MARCHF1: variants seen among roughly 807,000 people sequenced by gnomAD.
MARCHF1 encodes membrane associated ring-CH-type finger 1.
MARCHF1 carries 40 observed loss-of-function variants against 54.2 expected under a neutral mutation model. That is an observed-to-expected ratio of 0.74 (90% CI 0.57 to 0.96). The LOEUF (loss-of-function observed/expected upper bound fraction) is 0.96. Among genes scored for constraint, MARCHF1 ranks in the 40% least tolerant of loss-of-function variants. The probability of loss-of-function intolerance (pLI) is 0.00; values close to 1 mark genes in which losing one functional copy is unlikely to be tolerated. For missense variants in MARCHF1, 586 were observed against 656.5 expected, an observed-to-expected ratio of 0.89 and a Z score of 1.17; for synonymous variants, 236 against 236.3, an observed-to-expected ratio of 1.00 and a Z score of 0.01.
At chr4:164,080,327 G>C (rs1755069286) in intron 2 of MARCHF1, among the ~76,000 whole-genome samples, 1 of 152,158 alleles carries the variant, frequency 6.6e-6, no homozygotes, top group South Asian at 2.1e-4. Context: ...GCAAAATAAT[G>C]AACAAATAAA....
At position 164,027,972 on chromosome 4, in the gene MARCHF1, G is replaced by A. The variant is rs59389314; in HGVS notation, c.-247-39263C>T. Among the ~76,000 whole-genome samples, 1,496 of 152,132 alleles carry A rather than the reference G, an allele frequency of 9.8e-3. 18 individuals are homozygous for A. Among genetic ancestry groups the A allele is most frequent in the African/African-American group, 0.033 (1,370 of 41,514 alleles). ...AAAGACATACAAGTGGCCAACAAAC[G>A]TGTGAGAAAATGCTCATTATTAGTC... is the stretch of plus-strand genomic sequence containing the variant. On this transcript the variant is annotated intron_variant, in intron 2 of 9. Transcript: ENST00000514618.
rs1157690675 is a variant in MARCHF1 at position 163,632,825 on chromosome 4, C to T, written c.163-19432G>A. Among the ~76,000 whole-genome samples, 5 of 152,242 alleles carry T rather than the reference C, an allele frequency of 3.3e-5. No individual in the cohort carries two copies. In the East Asian group the frequency reaches 5.8e-4, roughly 18 times the overall value. ...AGACAAACAAAAAGACAGCAGTAAC[C>T]TCTGCAGACTTAAATGTCCCTGTCT... On this transcript the variant is annotated intron_variant, in intron 5 of 9. Coordinates refer to ENST00000514618, the MANE Select transcript of MARCHF1 (RefSeq NM_001394959.1).
At chr4:163,745,061 T>C (rs539390005) in intron 4 of MARCHF1, among the ~76,000 whole-genome samples, 6 of 151,888 alleles carry the variant, frequency 4.0e-5, no homozygotes, top group Middle Eastern at 3.2e-3. Flanking sequence ...GTGAAACTTT[T>C]CATAAGAGAG....
rs1738190902 is a variant in MARCHF1, at chr4:163,527,966, C to T, written c.*782G>A. The T allele has an allele frequency of 6.6e-6, 1 of 152,356 alleles. No individual in the cohort carries two copies. Among genetic ancestry groups the T allele is most frequent in the South Asian group, 2.1e-4 (1 of 4,820 alleles). The allele number at this position is 152,356 out of a possible 1,614,324, so 9.4% of individuals were successfully genotyped here. A position where few individuals can be genotyped will look rare whatever the true frequency, so the allele number is the denominator to read the frequency against. On this transcript the variant is annotated 3_prime_UTR_variant, in exon 10 of 10. Coordinates refer to ENST00000514618, the MANE Select transcript of MARCHF1 (RefSeq NM_001394959.1). ...GAAGTTAAATATTTGCATCTGTGGC[C>T]TGCATTTGTGGCTGTTGTGTTTCTA...
At chr4:163,675,712 C>T (rs1223839393) in intron 5 of MARCHF1, among the ~76,000 whole-genome samples, 6 of 152,126 alleles carry the variant, frequency 3.9e-5, no homozygotes, top group Non-Finnish European at 8.8e-5. Flanking sequence ...TCATTCCTCT[C>T]TCTCCCTTTG....
intron 1 of MARCHF1, among the ~76,000 whole-genome samples, chr4:164,364,453 A>G (rs534978069): frequency 3.9e-5 from 6 of 152,212 alleles, no homozygotes; most frequent in African/African-American, 1.4e-4. Context: ...ACCACTATCT[A>G]TCACAAAGGA....
At chr4:163,974,153 T>G (rs557890361) in intron 3 of MARCHF1, among the ~76,000 whole-genome samples, 1 of 152,326 alleles carries the variant, frequency 6.6e-6, no homozygotes, top group South Asian at 2.1e-4. Context: ...ATCACTCCCT[T>G]TAAAAGGTAG....
chr4:163,871,621 C>T (rs888419558), intron 3 of MARCHF1, among the ~76,000 whole-genome samples: 5 of 152,018 alleles, frequency 3.3e-5, no homozygotes, highest in Admixed American at 1.3e-4. Flanking sequence ...ATAAATACAT[C>T]GCATTTTATT....
intron 1 of MARCHF1, among the ~76,000 whole-genome samples, chr4:164,274,659 CTTTTTTTTTTTTTTTTTTTTTTTTT>C (rs70952617): frequency 4.5e-5 from 2 of 44,644 alleles, no homozygotes; most frequent in Non-Finnish European, 9.7e-5. Context: ...TCAGGGTACA[CTTTTTTTTTTTTTTTTTTTTTTTTT>C]TTTTTTTTTT....
intron 1 of MARCHF1, among the ~76,000 whole-genome samples, chr4:164,118,169 TTCAG>T (rs1755979329): frequency 6.6e-6 from 1 of 151,808 alleles, no homozygotes; most frequent in Non-Finnish European, 1.5e-5. Context: ...AAATAAATAC[TTCAG>T]TCAAATATTC....
chr4:164,078,104 C>A (rs1755017192), intron 2 of MARCHF1, among the ~76,000 whole-genome samples: 1 of 152,136 alleles, frequency 6.6e-6, no homozygotes, highest in South Asian at 2.1e-4. Context: ...CAGCGCTGTT[C>A]CCAATAGCAA....
intron 2 of MARCHF1, among the ~76,000 whole-genome samples, chr4:164,056,451 G>C (rs186466728): frequency 6.6e-6 from 1 of 152,156 alleles, no homozygotes; most frequent in Non-Finnish European, 1.5e-5. Flanking sequence ...TTCTCACTTG[G>C]GTTCCTTTAC....
chr4:164,001,810 T>C (rs1355757982), intron 2 of MARCHF1, among the ~76,000 whole-genome samples: 1 of 151,848 alleles, frequency 6.6e-6, no homozygotes, highest in Non-Finnish European at 1.5e-5. Context: ...CTAAAATCCG[T>C]ATAACTGTCC....
chr4:164,364,266 A>C (rs1730814696), intron 1 of MARCHF1, among the ~76,000 whole-genome samples: 1 of 152,116 alleles, frequency 6.6e-6, no homozygotes, highest in Non-Finnish European at 1.5e-5. Context: ...GTGCAAGTTC[A>C]TATAGTCAGT....
intron 1 of MARCHF1, among the ~76,000 whole-genome samples, chr4:164,281,298 G>A (rs1169332848): frequency 6.6e-6 from 1 of 152,106 alleles, no homozygotes; most frequent in East Asian, 1.9e-4. Flanking sequence ...CTCTTCTAGG[G>A]TTGGATATAC....
chr4:164,160,834 G>A (rs1730213193), intron 1 of MARCHF1, among the ~76,000 whole-genome samples: 1 of 152,116 alleles, frequency 6.6e-6, no homozygotes, highest in African/African-American at 2.4e-5. Context: ...ATCAGAAAGT[G>A]TGTAATAAGA....
chr4:164,100,964 C>T (rs1264765202), intron 2 of MARCHF1, among the ~76,000 whole-genome samples: 3 of 152,226 alleles, frequency 2.0e-5, no homozygotes, highest in African/African-American at 4.8e-5. Context: ...CGCAAGAGGT[C>T]AGGGATTTCC....
intron 1 of MARCHF1, among the ~76,000 whole-genome samples, chr4:164,124,377 CA>C (rs1323814872): frequency 6.6e-6 from 1 of 151,974 alleles, no homozygotes; most frequent in African/African-American, 2.4e-5. Context: ...GGATATTCCT[CA>C]AAAAACTAAA....
At chr4:163,973,014 T>A (rs1230734725) in intron 3 of MARCHF1, among the ~76,000 whole-genome samples, 1 of 152,214 alleles carries the variant, frequency 6.6e-6, no homozygotes, top group Non-Finnish European at 1.5e-5. Flanking sequence ...GATTTCTATA[T>A]GTAAATGTGG....
Sources: allele counts gnomAD v4.1 joint callset (sites outside exome capture counted in the v4.1 genomes callset), GRCh38; gene constraint gnomAD v4.1.1; transcripts MANE v1.5; gene names NCBI Gene and HGNC (gene_info 2026-07-23, HGNC 2026-07-21).